MAPK13: variants seen among roughly 807,000 people sequenced by gnomAD.
The protein encoded by MAPK13 is MAP kinase 13.
A neutral mutation model predicts 53.5 loss-of-function variants in MAPK13; 39 were observed. The observed-to-expected ratio is 0.73, with a 90% CI of 0.56 to 0.95. MAPK13 has a LOEUF of 0.95. MAPK13 is among the 40% of genes least tolerant of loss of function. The probability of loss-of-function intolerance (pLI) is 0.00; values close to 1 mark genes in which losing one functional copy is unlikely to be tolerated. For missense variants in MAPK13, 460 were observed against 471.8 expected (o/e 0.98, Z 0.23); for synonymous variants, 179 against 190.9 (o/e 0.94, Z 0.51).
In MAPK13 at chr6:36,131,272, T is replaced by G. The variant is rs1362221011; in HGVS notation, c.121T>G (p.Ser41Ala). The G allele has an allele frequency of 2.5e-6, 4 of 1,612,114 alleles. No homozygotes were observed. Among genetic ancestry groups the G allele is most frequent in the Non-Finnish European group, 8.5e-7 (1 of 1,178,862 alleles). The change falls in exon 2 of 12, where the codon TCG (serine) becomes GCG (alanine). Residue 41 changes from serine to alanine, a missense_variant and splice_region_variant. Physicochemically the swap from Ser to Ala is moderately conservative, Grantham distance 99. Coordinates refer to ENST00000211287, the MANE Select transcript of MAPK13 (RefSeq NM_002754.5). ...TGCTGACCGGCCTGTGCCCGACAGC[T>G]CGGCCATCGACAAGCGGTCAGGGGA... ...VGSGAYGSVC[S>A]AIDKRSGEKV...
Position 36,138,880 on chromosome 6 carries a change from T to G in MAPK13, c.843T>G (p.Ala281=), listed in dbSNP as rs150922772. ...TQLFPRASPQ[A]ADLLEKMLEL... ...AGGCTCTTGGCTCTGCCCCTGCAGC[T>G]GCGGACCTGCTGGAGAAGATGCTGG... Residue 281 remains alanine (A), a splice_region_variant and synonymous_variant, in exon 11 of 12, where the codon GCT becomes GCG. Coordinates refer to ENST00000211287, the MANE Select transcript of MAPK13 (RefSeq NM_002754.5). The G allele has an allele frequency of 2.3e-3, 3,769 of 1,610,656 alleles. 9 individuals carry two copies. The highest frequency in any genetic ancestry group is 2.4e-3 in the Non-Finnish European group (2,844 of 1,178,338).
In MAPK13 at chr6:36,136,773, C is replaced by G. The variant is rs1168585508; in HGVS notation, c.610+3C>G. ...CTGGATGCACTACAACCAGACAGGT[C>G]AGTGGTCAATGCCTGAGAGGGCGGT... On this transcript the variant is annotated splice_donor_region_variant and intron_variant, in intron 7 of 11. Coordinates refer to ENST00000211287, the MANE Select transcript of MAPK13 (RefSeq NM_002754.5). 2 of 1,613,836 alleles carry G rather than the reference C, an allele frequency of 1.2e-6. No individual in the cohort carries two copies. The highest frequency in any genetic ancestry group is 2.2e-5 in the East Asian group (1 of 44,878).
At chr6:36,132,533 G>A in intron 2 of MAPK13, 88 bp from the exon 3 acceptor site, 1 of 1,168,188 alleles carries the variant, frequency 8.6e-7, no homozygotes, top group Non-Finnish European at 1.3e-6. Context: ...AGGAAAGGGT[G>A]GATGGCCCTG....
intron 3 of MAPK13, among the ~76,000 whole-genome samples, chr6:36,133,681 G>A (rs1406524141): frequency 6.6e-6 from 1 of 152,214 alleles, no homozygotes; most frequent in Non-Finnish European, 1.5e-5. Flanking sequence ...ATGAACCTCA[G>A]GAGACGAAGG....
chr6:36,139,569 G>A lies in MAPK13; in HGVS notation c.*196G>A, dbSNP rs894969868. The A allele has an allele frequency of 1.1e-5, 6 of 568,860 alleles. No homozygotes were observed. Among genetic ancestry groups the A allele is most frequent in the African/African-American group, 1.9e-5 (1 of 52,746 alleles). The allele number at this position is 568,860 out of a possible 1,614,324, so 35.2% of individuals were successfully genotyped here. A position where few individuals can be genotyped will look rare whatever the true frequency, so the allele number is the denominator to read the frequency against. ...GAGAAACTAGCTCTGATCCTAACAG[G>A]CCACGTTAAACTGCCCATCTGGAGA... On this transcript the variant is annotated 3_prime_UTR_variant, in exon 12 of 12. Transcript: ENST00000211287.
chr6:36,138,921 A>G lies in MAPK13; in HGVS notation c.884A>G (p.Lys295Arg). Reference sequence around the variant, plus strand: ...AAGATGCTGGAGCTAGACGTGGACAAGCGCCTGACGGCCGCGCAGGCCCTC... The same window carrying G: ...AAGATGCTGGAGCTAGACGTGGACAGGCGCCTGACGGCCGCGCAGGCCCTC... ...LEKMLELDVD[K>R]RLTAAQALTH... is the part of the protein sequence containing the mutation. The change falls in exon 11 of 12, where the codon AAG becomes AGG. Residue 295 changes from lysine to arginine, a missense_variant. Lys to Arg is a conservative substitution (Grantham distance 26). Coordinates refer to ENST00000211287, the MANE Select transcript of MAPK13 (RefSeq NM_002754.5). The G allele has an allele frequency of 6.2e-7, 1 of 1,612,260 alleles. No homozygotes were observed. Among genetic ancestry groups the G allele is most frequent in the Non-Finnish European group, 8.5e-7 (1 of 1,179,204 alleles).
intron 5 of MAPK13, 22 bp downstream of exon 5, chr6:36,136,070 G>T (rs1297581299): frequency 6.2e-7 from 1 of 1,613,880 alleles, no homozygotes; most frequent in African/African-American, 1.3e-5. Context: ...CTCTGCCATG[G>T]TCCTCAGAGG....
At position 36,130,696 on chromosome 6, in the gene MAPK13, C is replaced by T. The variant is rs776923177; in HGVS notation, c.114C>T (p.Ser38=). 1 of 1,451,410 alleles carries T rather than the reference C, an allele frequency of 6.9e-7. No individual in the cohort carries two copies. The highest frequency in any genetic ancestry group is 9.3e-7 in the Non-Finnish European group (1 of 1,069,786). 89.9% of individuals were successfully genotyped at this position (1,451,410 alleles called of 1,614,324 possible). The stretch of plus-strand genomic sequence containing the variant: ...ACGTCGGCAGCGGGGCCTATGGCTC[C>T]GTGTGGTGAGACCCCTGGGCCGCTG... ...PTHVGSGAYG[S]VCSAIDKRSG... Residue 38 remains serine (S), a synonymous_variant, in exon 1 of 12, where the codon TCC becomes TCT. Coordinates refer to ENST00000211287, the MANE Select transcript of MAPK13 (RefSeq NM_002754.5). This position sits in a 1 kb window ranked among gnomAD's most constrained non-coding sequence, Gnocchi z 4.5.
intron 8 of MAPK13, among the ~76,000 whole-genome samples, chr6:36,137,654 A>AC (rs1648160479): frequency 1.3e-5 from 2 of 149,426 alleles, no homozygotes; most frequent in African/African-American, 2.5e-5. Context: ...TAACTCAAAA[A>AC]AAAAAAAAAA....
rs996888500 is a variant in MAPK13, at chr6:36,138,775, C to A, written c.836C>A (p.Pro279His). 35 of 1,614,048 alleles carry A rather than the reference C, an allele frequency of 2.2e-5. No individual in the cohort carries two copies. The highest frequency in any genetic ancestry group is 2.7e-5 in the Non-Finnish European group (32 of 1,180,016). Residue 279 changes from proline (P) to histidine (H), a missense_variant, in exon 10 of 12, where the codon CCC becomes CAC. Pro to His is a moderately conservative substitution (Grantham distance 77, BLOSUM62 -2). Transcript: ENST00000211287. ...ACTCAGCTGTTCCCACGGGCCAGCC[C>A]CCAGGGTGAGTCTCAGAGCCCGCTC... ...DFTQLFPRAS[P>H]QAADLLEKML...
chr6:36,139,139 C>T, intron 11 of MAPK13, 84 bp downstream of exon 11: 1 of 1,462,498 alleles, frequency 6.8e-7, no homozygotes, highest in Non-Finnish European at 9.2e-7. Context: ...TGGCCTCTGC[C>T]AGCCCTACCT....
chr6:36,136,415 G>A (rs923443532), intron 5 of MAPK13, 69 bp from the exon 6 acceptor site: 52 of 1,363,186 alleles, frequency 3.8e-5, no homozygotes, highest in Admixed American at 4.8e-5. Flanking sequence ...ACACCCCTGG[G>A]TGGTGGTGGA....
Position 36,136,548 on chromosome 6 carries a change from C to T in MAPK13, c.495+17C>T. On this transcript the variant is annotated intron_variant, in intron 6 of 11. Transcript: ENST00000211287. Reference sequence around the variant, plus strand: ...GAACTGAAGGTGAGTGGGCTGCAGGCTCAGCCCAGAGGCGGGATAGGCCCT... The same window carrying T: ...GAACTGAAGGTGAGTGGGCTGCAGGTTCAGCCCAGAGGCGGGATAGGCCCT... 6.2e-7 allele frequency: 1 copy of T among 1,600,064 alleles called. No individual in the cohort carries two copies. Among genetic ancestry groups the T allele is most frequent in the Non-Finnish European group, 8.5e-7 (1 of 1,173,018 alleles).
intron 3 of MAPK13, among the ~76,000 whole-genome samples, chr6:36,133,731 G>A (rs1581880817): frequency 1.3e-5 from 2 of 152,216 alleles, no homozygotes; most frequent in Admixed American, 6.5e-5. Context: ...AATAATCACC[G>A]ATGGGTTATA....
At chr6:36,132,733 G>A in intron 3 of MAPK13, 54 bp downstream of exon 3, 1 of 1,592,128 alleles carries the variant, frequency 6.3e-7, no homozygotes, top group Admixed American at 1.7e-5. Context: ...CATGCCGCTG[G>A]GGAGCAAGGT....
rs553908161 is a variant in MAPK13, at chr6:36,138,467, G to A, written c.762+23G>A. The A allele has an allele frequency of 3.7e-6, 6 of 1,609,646 alleles. No individual in the cohort carries two copies. The South Asian group carries it at 5.5e-5, about 15-fold the overall frequency. On this transcript the variant is annotated intron_variant, in intron 9 of 11. Coordinates refer to ENST00000211287, the MANE Select transcript of MAPK13 (RefSeq NM_002754.5). ...GCGGTGGGTGGTAAATGGGACCTAG[G>A]CTGGCCTGGGCTGTGTGCTTGCCTG...
At position 36,138,766 on chromosome 6, in the gene MAPK13, G is replaced by A. The variant is rs1054573809; in HGVS notation, c.827G>A (p.Arg276Gln). ...PRKDFTQLFP[R>Q]ASPQAADLLE... is the part of the protein sequence containing the mutation. ...AAGGATTTCACTCAGCTGTTCCCAC[G>A]GGCCAGCCCCCAGGGTGAGTCTCAG... The change falls in exon 10 of 12, where the codon CGG becomes CAG. Residue 276 changes from arginine (R) to glutamine (Q), a missense_variant. By Grantham distance (43) the Arg-to-Gln change is conservative. Transcript: ENST00000211287. 8.7e-6 allele frequency: 14 copies of A among 1,613,980 alleles called. No homozygotes were observed. Among genetic ancestry groups the A allele is most frequent in the East Asian group, 2.2e-5 (1 of 44,890 alleles).
rs1211311646 is a variant in MAPK13, at chr6:36,139,996, CTTA to C, written c.*627_*629del. ...AATCCTGTGTGATCTTATCTTGATC[CTTA>C]TTAATTAAACCTGCAAATACTCTAG... On this transcript the variant is annotated 3_prime_UTR_variant, in exon 12 of 12. Coordinates refer to ENST00000211287, the MANE Select transcript of MAPK13 (RefSeq NM_002754.5). 1 of 152,220 alleles carries C rather than the reference CTTA, an allele frequency of 6.6e-6. No individual in the cohort carries two copies. The highest frequency in any genetic ancestry group is 1.5e-5 in the Non-Finnish European group (1 of 68,074). 9.4% of individuals were successfully genotyped at this position (152,220 alleles called of 1,614,324 possible). A position where few individuals can be genotyped will look rare whatever the true frequency, so the allele number is the denominator to read the frequency against.
intron 2 of MAPK13, among the ~76,000 whole-genome samples, chr6:36,132,403 G>C (rs1266046546): frequency 6.6e-6 from 1 of 152,216 alleles, no homozygotes; most frequent in Non-Finnish European, 1.5e-5. Flanking sequence ...TCCCCAGCCT[G>C]ACTCTCTGTC....
Sources: gnomAD v4.1 joint callset for allele counts (sites outside exome capture counted in the v4.1 genomes callset) on GRCh38, gnomAD v4.1.1 for gene constraint, Gnocchi (gnomAD v3.1) non-coding constraint, MANE v1.5 for transcripts, NCBI Gene and HGNC (gene_info 2026-07-23, HGNC 2026-07-21) for gene names.